Variants in KCNC1 observed in about 807,000 individuals in gnomAD.
KCNC1 encodes potassium voltage-gated channel subfamily C member 1.
Under a neutral mutation model 43.4 loss-of-function variants are expected in KCNC1, and 8 were observed. The observed-to-expected ratio is 0.18, with a 90% CI of 0.11 to 0.33. The LOEUF (loss-of-function observed/expected upper bound fraction) is 0.33, where lower values mean the gene tolerates loss of function less well. Ranked by LOEUF, KCNC1 falls within the 10% of genes least tolerant of loss-of-function variation. The pLI is 1.00. For missense variants in KCNC1, 420 were observed against 836.0 expected, an observed-to-expected ratio of 0.50 and a Z score of 6.14; for synonymous variants, 361 against 360.5, an observed-to-expected ratio of 1.00 and a Z score of -0.01.
chr11:17,746,548 C>T (rs1041971271), intron 1 of KCNC1, among the ~76,000 whole-genome samples: 1 of 152,134 alleles, frequency 6.6e-6, no homozygotes, highest in Non-Finnish European at 1.5e-5. Flanking sequence ...CTTCCCTTCC[C>T]TGTCCCCTCC....
chr11:17,778,122 C>T (rs1849305441), intron 2 of KCNC1, among the ~76,000 whole-genome samples: 1 of 152,168 alleles, frequency 6.6e-6, no homozygotes, highest in African/African-American at 2.4e-5. Context: ...TTGGCTCCAC[C>T]CTGGCCAGGA....
chr11:17,741,037 C>A (rs1848834977), intron 1 of KCNC1, among the ~76,000 whole-genome samples: 1 of 152,070 alleles, frequency 6.6e-6, no homozygotes, highest in Admixed American at 6.5e-5. Flanking sequence ...AGCCCACTCC[C>A]CCAGGCCAGG....
intron 1 of KCNC1, among the ~76,000 whole-genome samples, chr11:17,760,600 C>T (rs1849066757): frequency 6.6e-6 from 1 of 152,186 alleles, no homozygotes; most frequent in African/African-American, 2.4e-5. Flanking sequence ...TAAGGCCTCC[C>T]CTAGGGCCCT....
intron 1 of KCNC1, among the ~76,000 whole-genome samples, chr11:17,765,440 A>G (rs1288004780): frequency 6.6e-6 from 1 of 152,208 alleles, no homozygotes; most frequent in Non-Finnish European, 1.5e-5. Context: ...GGTTATGGTA[A>G]AAATAACTTG....
At position 17,736,427 on chromosome 11, in the gene KCNC1, C is replaced by T. The variant is rs1416112418; in HGVS notation, c.425C>T (p.Ser142Leu). The T allele has an allele frequency of 1.9e-6, 3 of 1,607,102 alleles. No individual in the cohort carries two copies. Among genetic ancestry groups the T allele is most frequent in the East Asian group, 4.5e-5 (2 of 44,712 alleles). Residue 142 changes from serine to leucine, a missense_variant, in exon 1 of 4, where the codon TCG becomes TTG. Physicochemically the swap from Ser to Leu is moderately radical, Grantham distance 145. Coordinates refer to ENST00000265969, the MANE Select transcript of KCNC1 (RefSeq NM_001112741.2). This position sits in a 1 kb window ranked among gnomAD's most constrained non-coding sequence, Gnocchi z 9.3. ...GCGGACGCCGACGGCCCTGGCGACT[C>T]GGGCGACGGCGAGGACGAGCTGGAG... ...DDADADGPGD[S>L]GDGEDELEMT...
At chr11:17,760,864 G>A (rs1849069726) in intron 1 of KCNC1, among the ~76,000 whole-genome samples, 1 of 152,222 alleles carries the variant, frequency 6.6e-6, no homozygotes, top group South Asian at 2.1e-4. Flanking sequence ...GGGCTGGCAC[G>A]AGGTTTAAAC....
At position 17,777,048 on chromosome 11, in the gene KCNC1, C is replaced by T. The variant is rs535676810; in HGVS notation, c.1505-2408C>T. On this transcript the variant is annotated intron_variant, in intron 2 of 3. Coordinates refer to ENST00000265969, the MANE Select transcript of KCNC1 (RefSeq NM_001112741.2). The surrounding 1 kb of genome is among the most constrained non-coding windows in gnomAD (Gnocchi z 4.3). The stretch of plus-strand genomic sequence containing the variant: ...GGAGGGAAAGGTGCCAGGCTATCAT[C>T]CCTCCAGGGATCCCTGATGGATGTT... The T allele has an allele frequency of 9.1e-6, 9 of 985,240 alleles. No homozygotes were observed. The highest frequency in any genetic ancestry group is 1.2e-4 in the Admixed American group (2 of 16,274). 61.0% of individuals were successfully genotyped at this position (985,240 alleles called of 1,614,324 possible). A position where few individuals can be genotyped will look rare whatever the true frequency, so the allele number is the denominator to read the frequency against.
At position 17,781,961 on chromosome 11, in the gene KCNC1, T is replaced by G; in HGVS notation, c.*227T>G. 6.6e-6 allele frequency: 3 copies of G among 457,130 alleles called. No homozygotes were observed. The East Asian group carries it at 1.0e-4, about 16-fold the overall frequency. The allele number at this position is 457,130 out of a possible 1,614,324, so 28.3% of individuals were successfully genotyped here. ...TCATTTTTTAAAATTTTATTTTATTTGGGGAGGGGGGGTGGAGGGGCTCCT... is the reference window on the plus strand; with the variant it reads ...TCATTTTTTAAAATTTTATTTTATTGGGGGAGGGGGGGTGGAGGGGCTCCT... On this transcript the variant is annotated 3_prime_UTR_variant, in exon 4 of 4. Coordinates refer to ENST00000265969, the MANE Select transcript of KCNC1 (RefSeq NM_001112741.2). The surrounding 1 kb of genome is among the most constrained non-coding windows in gnomAD (Gnocchi z 5.1).
chr11:17,782,198 G>T lies in KCNC1; in HGVS notation c.*464G>T, dbSNP rs537641878. On this transcript the variant is annotated 3_prime_UTR_variant, in exon 4 of 4. Coordinates refer to ENST00000265969, the MANE Select transcript of KCNC1 (RefSeq NM_001112741.2). The stretch of plus-strand genomic sequence containing the variant: ...CTGTACATTTCTGGGGGTGAGGGGC[G>T]AGGGGAGGAGGGACAGAGATGGGGA... 6.5e-6 allele frequency: 1 copy of T among 154,504 alleles called. No homozygotes were observed. Among genetic ancestry groups the T allele is most frequent in the Non-Finnish European group, 1.4e-5 (1 of 69,754 alleles). 9.6% of individuals were successfully genotyped at this position (154,504 alleles called of 1,614,324 possible). A position where few individuals can be genotyped will look rare whatever the true frequency, so the allele number is the denominator to read the frequency against.
intron 1 of KCNC1, among the ~76,000 whole-genome samples, chr11:17,765,304 C>T (rs567369643): frequency 3.9e-5 from 6 of 152,130 alleles, no homozygotes; most frequent in South Asian, 2.1e-4. Context: ...AGCTCCGATC[C>T]GAAAGGCAAG....
At chr11:17,738,027 G>T (rs955066968) in intron 1 of KCNC1, among the ~76,000 whole-genome samples, 19 of 151,928 alleles carry the variant, frequency 1.3e-4, no homozygotes, top group African/African-American at 4.6e-4. Context: ...GCAGGTAGCC[G>T]GTCAGTCTTA....
In KCNC1 at chr11:17,761,907, A is replaced by G. The variant is rs542696823; in HGVS notation, c.571-9758A>G. On this transcript the variant is annotated intron_variant, in intron 1 of 3. Coordinates refer to ENST00000265969, the MANE Select transcript of KCNC1 (RefSeq NM_001112741.2). ...TCCCTCCCCTGCCATCCTGCCCATC[A>G]CACCAGCATCTGCCCACTCCTGCCT... Among the ~76,000 whole-genome samples, 14 of 152,144 alleles carry G rather than the reference A, an allele frequency of 9.2e-5. No homozygotes were observed. In the East Asian group the frequency reaches 2.5e-3, roughly 27 times the overall value.
rs754156884 is a variant in KCNC1, at chr11:17,772,473, T to A, written c.1379T>A (p.Ile460Asn). ...QKLPKKKKKH[I>N]PRPPQLGSPN... The stretch of plus-strand genomic sequence containing the variant: ...CTACCAAAGAAAAAAAAGAAGCATA[T>A]TCCGCGGCCACCGCAGCTGGGATCT... The change falls in exon 2 of 4, where the codon ATT (isoleucine) becomes AAT (asparagine). Residue 460 changes from isoleucine to asparagine, a missense_variant. Transcript: ENST00000265969. The A allele has an allele frequency of 1.9e-6, 3 of 1,614,156 alleles. No homozygotes were observed. The highest frequency in any genetic ancestry group is 2.5e-6 in the Non-Finnish European group (3 of 1,180,016).
At chr11:17,755,068 AGCACCCTCT>A (rs1849008981) in intron 1 of KCNC1, among the ~76,000 whole-genome samples, 4 of 152,150 alleles carry the variant, frequency 2.6e-5, no homozygotes, top group Admixed American at 2.6e-4. Flanking sequence ...GGTGGTCAGA[AGCACCCTCT>A]TGGGGTGCCA....
At chr11:17,778,086 C>G (rs953580488) in intron 2 of KCNC1, among the ~76,000 whole-genome samples, 5 of 152,190 alleles carry the variant, frequency 3.3e-5, no homozygotes. Context: ...GTGCTTGAGG[C>G]TGTCACCCTA....
At position 17,771,734 on chromosome 11, in the gene KCNC1, C is replaced by T. The variant is rs772042572; in HGVS notation, c.640C>T (p.Arg214Cys). 4 of 1,613,734 alleles carry T rather than the reference C, an allele frequency of 2.5e-6. No individual in the cohort carries two copies. The highest frequency in any genetic ancestry group is 1.1e-5 in the South Asian group (1 of 91,078). Reference sequence around the variant, plus strand: ...CACCTTCTGCCTGGAGACCCACGAGCGCTTCAACCCCATCGTGAACAAGAC... The same window carrying T: ...CACCTTCTGCCTGGAGACCCACGAGTGCTTCAACCCCATCGTGAACAAGAC... ...ITTFCLETHE[R>C]FNPIVNKTEI... The change falls in exon 2 of 4, where the codon CGC (arginine) becomes TGC (cysteine). Residue 214 changes from arginine to cysteine, a missense_variant. Around this residue, in one of 5 missense-constraint regions of KCNC1, gnomAD observed 151 missense variants for 216.7 expected, o/e 0.70. Coordinates refer to ENST00000265969, the MANE Select transcript of KCNC1 (RefSeq NM_001112741.2). The surrounding 1 kb of genome is among the most constrained non-coding windows in gnomAD (Gnocchi z 4.7).
At chr11:17,747,502 A>T (rs1179720936) in intron 1 of KCNC1, among the ~76,000 whole-genome samples, 1 of 152,158 alleles carries the variant, frequency 6.6e-6, no homozygotes, top group East Asian at 1.9e-4. Context: ...GGTCATTGGA[A>T]TGTCTCCTCT....
chr11:17,739,112 C>T lies in KCNC1; in HGVS notation c.570+2540C>T, dbSNP rs868567856. 6.6e-6 allele frequency among the ~76,000 whole-genome samples: 1 copy of T among 152,196 alleles called. No homozygotes were observed. The highest frequency in any genetic ancestry group is 1.5e-5 in the Non-Finnish European group (1 of 68,040). ...CCAGCCGCCTGCCCGCCCTCCTCCC[C>T]CTCTGTCTTTGCTCTGCCGCCTCTG... On this transcript the variant is annotated intron_variant, in intron 1 of 3. Coordinates refer to ENST00000265969, the MANE Select transcript of KCNC1 (RefSeq NM_001112741.2). The surrounding 1 kb of genome is among the most constrained non-coding windows in gnomAD (Gnocchi z 4.2).
intron 1 of KCNC1, among the ~76,000 whole-genome samples, chr11:17,738,952 G>A (rs552277386): frequency 6.6e-5 from 10 of 152,336 alleles, no homozygotes; most frequent in East Asian, 1.9e-4. Context: ...ACTGAGGCCC[G>A]TAGGAGGAGG....
Sources: gnomAD v4.1 joint callset for allele counts (sites outside exome capture counted in the v4.1 genomes callset) on GRCh38, gnomAD v4.1.1 for gene constraint, gnomAD v4.1.1 regional missense constraint, Gnocchi (gnomAD v3.1) non-coding constraint, MANE v1.5 for transcripts, NCBI Gene and HGNC (gene_info 2026-07-23, HGNC 2026-07-21) for gene names.